SIK2: variants seen among roughly 807,000 people sequenced by gnomAD.
The protein encoded by SIK2 is salt inducible kinase 2.
SIK2 carries 29 observed loss-of-function variants against 103.2 expected under a neutral mutation model. The ratio of observed to expected loss-of-function variants is 0.28; its 90% confidence interval spans 0.21 to 0.38. The LOEUF (loss-of-function observed/expected upper bound fraction) is 0.38, where lower values mean the gene tolerates loss of function less well. Ranked by LOEUF, SIK2 falls within the 10% of genes least tolerant of loss-of-function variation. The pLI is 1.00. For missense variants in SIK2, 879 were observed against 1,171.0 expected (o/e 0.75, Z 3.64); for synonymous variants, 412 against 446.1 (o/e 0.92, Z 0.96).
rs1468514488 is a variant in SIK2 at position 111,602,591 on chromosome 11, T to C, written c.28T>C (p.Leu10=). 5.2e-6 allele frequency: 8 copies of C among 1,530,684 alleles called. No individual in the cohort carries two copies. The Admixed American group carries it at 8.0e-5, about 15-fold the overall frequency. The allele number at this position is 1,530,684 out of a possible 1,614,324, so 94.8% of individuals were successfully genotyped here. Residue 10 remains leucine (L), a synonymous_variant, in exon 1 of 15, where the codon TTG becomes CTG. Coordinates refer to ENST00000304987, the MANE Select transcript of SIK2 (RefSeq NM_015191.3). The surrounding 1 kb of genome is among the most constrained non-coding windows in gnomAD (Gnocchi z 4.5). MVMADGPRH[L]QRGPVRVGFY... is the part of the protein sequence containing the mutation. ...GGTCATGGCGGATGGCCCGAGGCAC[T>C]TGCAGCGCGGGCCGGTCCGGGTGGG...
intron 1 of SIK2, among the ~76,000 whole-genome samples, chr11:111,608,076 A>AT (rs1941671688): frequency 6.6e-6 from 1 of 152,174 alleles, no homozygotes; most frequent in African/African-American, 2.4e-5. Context: ...TTCCGCTTTA[A>AT]TGTACCTAGT....
At position 111,723,137 on chromosome 11, in the gene SIK2, A is replaced by G. The variant is rs4936665; in HGVS notation, c.2148-359A>G. ...CTAGTAGAAGCAGCTTGGCCAAGGTAGACCTACCCTAATCAATCCATCAAC... is the reference window on the plus strand; with the variant it reads ...CTAGTAGAAGCAGCTTGGCCAAGGTGGACCTACCCTAATCAATCCATCAAC... On this transcript the variant is annotated intron_variant, in intron 14 of 14. Transcript: ENST00000304987. Among the ~76,000 whole-genome samples the G allele has an allele frequency of 6.9e-3, 1,050 of 152,302 alleles. 9 individuals carry two copies. Among genetic ancestry groups the G allele is most frequent in the Non-Finnish European group, 0.01 (688 of 68,024 alleles).
At chr11:111,654,290 A>G (rs191236818) in intron 3 of SIK2, among the ~76,000 whole-genome samples, 1 of 152,322 alleles carries the variant, frequency 6.6e-6, no homozygotes, top group Non-Finnish European at 1.5e-5. Context: ...TAGAGTATCT[A>G]ATTTCCTTTT....
rs138152332 is a variant in SIK2 at position 111,666,477 on chromosome 11, T to C, written c.317-21524T>C. On this transcript the variant is annotated intron_variant, in intron 3 of 14. Coordinates refer to ENST00000304987, the MANE Select transcript of SIK2 (RefSeq NM_015191.3). Reference sequence around the variant, plus strand: ...TGTTATACAGATAGTTTGTAAAAGCTGAAGGTAAGTTTAGGCTGTTGCTAG... The same window carrying C: ...TGTTATACAGATAGTTTGTAAAAGCCGAAGGTAAGTTTAGGCTGTTGCTAG... Among the ~76,000 whole-genome samples the C allele has an allele frequency of 2.7e-3, 409 of 152,354 alleles. 2 individuals carry two copies. Among genetic ancestry groups the C allele is most frequent in the African/African-American group, 9.4e-3 (392 of 41,588 alleles).
At chr11:111,616,398 A>G (rs1288620534) in intron 2 of SIK2, 39 bp downstream of exon 2, 1 of 1,102,606 alleles carries the variant, frequency 9.1e-7, no homozygotes, top group Admixed American at 1.9e-5. Flanking sequence ...TCATTCCACA[A>G]GATAGTTCTC....
At chr11:111,702,318 T>C (rs1943230099) in intron 6 of SIK2, among the ~76,000 whole-genome samples, 1 of 152,192 alleles carries the variant, frequency 6.6e-6, no homozygotes. Context: ...GGTGCAGTGG[T>C]TTATACCTGT....
rs1591661936 is a variant in SIK2, at chr11:111,730,833, TA to T, written c.*6709del. On this transcript the variant is annotated 3_prime_UTR_variant, in exon 15 of 15. Coordinates refer to ENST00000304987, the MANE Select transcript of SIK2 (RefSeq NM_015191.3). ...TGTTTCCAACCCTCTTGAATTAAAA[TA>T]AAAACAACTTCTTTTCTAAGAGCCC... 1 of 152,190 alleles carries T rather than the reference TA, an allele frequency of 6.6e-6. No individual in the cohort carries two copies. The highest frequency in any genetic ancestry group is 1.9e-4 in the East Asian group (1 of 5,200). 9.4% of individuals were successfully genotyped at this position (152,190 alleles called of 1,614,324 possible).
intron 3 of SIK2, among the ~76,000 whole-genome samples, chr11:111,665,987 C>T (rs1317591000): frequency 6.6e-6 from 1 of 152,154 alleles, no homozygotes; most frequent in African/African-American, 2.4e-5. Flanking sequence ...TGGAGAGTTC[C>T]AGGCAGTAGA....
rs1941719599 is a variant in SIK2 at position 111,611,100 on chromosome 11, G to A, written c.136-5143G>A. ...CTCTCGACCAAATGTGTGTGTGTGTGTGTGTGTGTGTGTGTGTGCACACCT... is the reference window on the plus strand; with the variant it reads ...CTCTCGACCAAATGTGTGTGTGTGTATGTGTGTGTGTGTGTGTGCACACCT... On this transcript the variant is annotated intron_variant, in intron 1 of 14. Coordinates refer to ENST00000304987, the MANE Select transcript of SIK2 (RefSeq NM_015191.3). Among the ~76,000 whole-genome samples, 3 of 151,822 alleles carry A rather than the reference G, an allele frequency of 2.0e-5. No homozygotes were observed. The South Asian group carries it at 6.2e-4, about 32-fold the overall frequency.
At chr11:111,667,775 G>C (rs1942566522) in intron 3 of SIK2, among the ~76,000 whole-genome samples, 2 of 152,092 alleles carry the variant, frequency 1.3e-5, no homozygotes, top group African/African-American at 4.8e-5. Context: ...TTATAGATGT[G>C]AGCCACCACA....
At chr11:111,626,434 C>A (rs1941961779) in intron 3 of SIK2, among the ~76,000 whole-genome samples, 1 of 151,046 alleles carries the variant, frequency 6.6e-6, no homozygotes, top group South Asian at 2.1e-4. Flanking sequence ...AAACTGGAAA[C>A]CTTGATGTCA....
In SIK2 at chr11:111,728,403, C is replaced by G. The variant is rs1052286914; in HGVS notation, c.*4274C>G. On this transcript the variant is annotated 3_prime_UTR_variant, in exon 15 of 15. Coordinates refer to ENST00000304987, the MANE Select transcript of SIK2 (RefSeq NM_015191.3). Reference sequence around the variant, plus strand: ...TCCTGGGTTCAAGCCATTCTCCTGCCTCAGCCTCCCAAGTAGCTGGGACTA... The same window carrying G: ...TCCTGGGTTCAAGCCATTCTCCTGCGTCAGCCTCCCAAGTAGCTGGGACTA... 6.6e-6 allele frequency: 1 copy of G among 152,322 alleles called. No individual in the cohort carries two copies. The highest frequency in any genetic ancestry group is 6.5e-5 in the Admixed American group (1 of 15,286). The allele number at this position is 152,322 out of a possible 1,614,324, so 9.4% of individuals were successfully genotyped here.
chr11:111,667,650 G>A (rs1008368964), intron 3 of SIK2, among the ~76,000 whole-genome samples: 7 of 151,788 alleles, frequency 4.6e-5, no homozygotes, highest in Admixed American at 1.3e-4. Context: ...TGCCCACCAC[G>A]TCCGGCTTGT....
chr11:111,677,232 G>A (rs1469944681), intron 3 of SIK2, among the ~76,000 whole-genome samples: 1 of 152,120 alleles, frequency 6.6e-6, no homozygotes, highest in Admixed American at 6.6e-5. Context: ...TAAAAAAACA[G>A]CTCTGGGACA....
At chr11:111,673,477 C>T (rs1591610228) in intron 3 of SIK2, among the ~76,000 whole-genome samples, 1 of 152,308 alleles carries the variant, frequency 6.6e-6, no homozygotes, top group East Asian at 1.9e-4. Flanking sequence ...ACTGCCCAAA[C>T]TGGAGCTGTT....
At chr11:111,617,133 G>A (rs908189783) in intron 2 of SIK2, among the ~76,000 whole-genome samples, 1 of 152,028 alleles carries the variant, frequency 6.6e-6, no homozygotes, top group Non-Finnish European at 1.5e-5. Flanking sequence ...TGTAAGCCAT[G>A]GGGTTTTTTG....
At chr11:111,687,902 G>T (rs1942868416) in intron 3 of SIK2, 99 bp from the exon 4 acceptor site, 2 of 1,325,474 alleles carry the variant, frequency 1.5e-6, no homozygotes, top group East Asian at 2.4e-5. Flanking sequence ...ACTGCTCCTG[G>T]CCAGAAAAAA....
rs116804384 is a variant in SIK2, at chr11:111,650,755, C to T, written c.316+30353C>T. Reference sequence around the variant, plus strand: ...GAAAATAGGAAAAATATATAACTTTCATAAAGTTATATAAGGTAGATGAAA... The same window carrying T: ...GAAAATAGGAAAAATATATAACTTTTATAAAGTTATATAAGGTAGATGAAA... On this transcript the variant is annotated intron_variant, in intron 3 of 14. Coordinates refer to ENST00000304987, the MANE Select transcript of SIK2 (RefSeq NM_015191.3). Among the ~76,000 whole-genome samples the T allele has an allele frequency of 6.8e-3, 1,039 of 152,024 alleles. 13 individuals carry two copies. Among genetic ancestry groups the T allele is most frequent in the African/African-American group, 0.024 (996 of 41,468 alleles).
chr11:111,608,637 A>C (rs1181885340), intron 1 of SIK2, among the ~76,000 whole-genome samples: 1 of 152,254 alleles, frequency 6.6e-6, no homozygotes, highest in African/African-American at 2.4e-5. Flanking sequence ...TGTAAAGCAT[A>C]GTTAAATAGT....
Sources: allele counts gnomAD v4.1 joint callset (sites outside exome capture counted in the v4.1 genomes callset), GRCh38; gene constraint gnomAD v4.1.1; non-coding constraint Gnocchi (gnomAD v3.1); transcripts MANE v1.5; gene names NCBI Gene and HGNC (gene_info 2026-07-23, HGNC 2026-07-21).